The following AGTR1 variants were observed in gnomAD, a reference collection of about 807,000 sequenced individuals.
AGTR1 encodes the protein angiotensin II receptor type 1, also known as type-1 angiotensin II receptor.
A neutral mutation model predicts 19.4 loss-of-function variants in AGTR1; 16 were observed. That is an observed-to-expected ratio of 0.82 (90% confidence interval 0.56 to 1.25). The LOEUF (loss-of-function observed/expected upper bound fraction) is 1.25, where lower values mean the gene tolerates loss of function less well. Among genes scored for constraint, AGTR1 ranks in the 50% most tolerant of loss-of-function variants. AGTR1 has a pLI of 0.00. For missense variants in AGTR1, 373 were observed against 431.9 expected (o/e 0.86, Z 1.21); for synonymous variants, 153 against 154.9 (o/e 0.99, Z 0.09).
chr3:148,735,247 C>T (rs1714510333), intron 2 of AGTR1, among the ~76,000 whole-genome samples: 2 of 152,162 alleles, frequency 1.3e-5, no homozygotes, highest in Non-Finnish European at 2.9e-5. Context: ...GGTATAGTTA[C>T]TAATCTACTA....
chr3:148,732,769 C>G (rs1395780633), intron 2 of AGTR1, among the ~76,000 whole-genome samples: 1 of 108,246 alleles, frequency 9.2e-6, no homozygotes, highest in Non-Finnish European at 1.7e-5. Context: ...GAGACGGAGT[C>G]TCGCTCTGTC....
chr3:148,741,804 C>A lies in AGTR1; in HGVS notation c.769C>A (p.Gln257Lys). The A allele has an allele frequency of 6.2e-7, 1 of 1,613,162 alleles. No homozygotes were observed. The highest frequency in any genetic ancestry group is 8.5e-7 in the Non-Finnish European group (1 of 1,179,902). ...CTTTTTCTTTTCCTGGATTCCCCAC[C>A]AAATATTCACTTTTCTGGATGTATT... ...LFFFFSWIPHQIFTFLDVLIQ... is the reference protein window; with the variant it reads ...LFFFFSWIPHKIFTFLDVLIQ... The change falls in exon 3 of 3, where the codon CAA becomes AAA. Residue 257 changes from glutamine to lysine, a missense_variant. Physicochemically the swap from Gln to Lys is moderately conservative, Grantham distance 53 (BLOSUM62 1). Coordinates refer to ENST00000349243, the MANE Select transcript of AGTR1 (RefSeq NM_000685.5).
At chr3:148,728,840 G>C (rs1292377567) in intron 2 of AGTR1, among the ~76,000 whole-genome samples, 2 of 152,242 alleles carry the variant, frequency 1.3e-5, no homozygotes, top group Non-Finnish European at 2.9e-5. Context: ...GGCTGAAGAA[G>C]TTCAGCCAAA....
intron 2 of AGTR1, among the ~76,000 whole-genome samples, chr3:148,727,541 C>A: frequency 6.6e-6 from 1 of 152,168 alleles, no homozygotes. Flanking sequence ...TCTCTTGAAA[C>A]CCTAATGATG....
At chr3:148,713,618 A>G (rs1429152330) in intron 2 of AGTR1, among the ~76,000 whole-genome samples, 1 of 152,144 alleles carries the variant, frequency 6.6e-6, no homozygotes, top group East Asian at 1.9e-4. Flanking sequence ...TCAATTGAGT[A>G]TTCCTGTCCT....
intron 2 of AGTR1, among the ~76,000 whole-genome samples, chr3:148,733,168 C>T (rs944756889): frequency 6.6e-6 from 1 of 152,162 alleles, no homozygotes; most frequent in African/African-American, 2.4e-5. Context: ...TCCGCTCCCA[C>T]ATTTTCCACC....
At chr3:148,727,009 A>G (rs1305213495) in intron 2 of AGTR1, among the ~76,000 whole-genome samples, 3 of 152,206 alleles carry the variant, frequency 2.0e-5, no homozygotes, top group Admixed American at 1.3e-4. Flanking sequence ...TAGGGAAAAT[A>G]CCACAGGAAT....
intron 2 of AGTR1, among the ~76,000 whole-genome samples, chr3:148,740,166 T>C (rs554258622): frequency 6.6e-6 from 1 of 152,374 alleles, no homozygotes; most frequent in Admixed American, 6.5e-5. Context: ...ACCTGCTGCT[T>C]TCTCAAGCCC....
chr3:148,718,981 C>T (rs952336204), intron 2 of AGTR1, among the ~76,000 whole-genome samples: 6 of 152,198 alleles, frequency 3.9e-5, no homozygotes, highest in African/African-American at 1.4e-4. Flanking sequence ...ACAGGGGAGA[C>T]TCAGTCTTGT....
intron 2 of AGTR1, among the ~76,000 whole-genome samples, chr3:148,734,933 C>G (rs1337842035): frequency 6.6e-6 from 1 of 152,184 alleles, no homozygotes; most frequent in Non-Finnish European, 1.5e-5. Context: ...GTAGGGCAAC[C>G]TCAGTAGAGA....
chr3:148,702,789 T>A (rs983191353), intron 1 of AGTR1, among the ~76,000 whole-genome samples: 2 of 152,244 alleles, frequency 1.3e-5, no homozygotes, highest in Admixed American at 1.3e-4. Context: ...CTTGCTTGCC[T>A]GTTTGTTGCT....
chr3:148,740,323 T>C (rs1157533387), intron 2 of AGTR1, among the ~76,000 whole-genome samples: 2 of 152,154 alleles, frequency 1.3e-5, no homozygotes, highest in South Asian at 2.1e-4. Flanking sequence ...CTAGACTGAA[T>C]TGGAAGTTAA....
intron 2 of AGTR1, among the ~76,000 whole-genome samples, chr3:148,723,769 C>T (rs1713777688): frequency 6.6e-6 from 1 of 152,174 alleles, no homozygotes; most frequent in African/African-American, 2.4e-5. Context: ...ACAGTTGACT[C>T]ATCCTGTCAC....
At chr3:148,714,562 A>G (rs1713182077) in intron 2 of AGTR1, among the ~76,000 whole-genome samples, 1 of 152,122 alleles carries the variant, frequency 6.6e-6, no homozygotes, top group African/African-American at 2.4e-5. Flanking sequence ...GGAACTAGAG[A>G]CATATTTAGA....
In AGTR1 at chr3:148,707,803, A is replaced by G. The variant is rs542221017; in HGVS notation, c.-131-141A>G. 2.0e-5 allele frequency: 3 copies of G among 152,316 alleles called. No homozygotes were observed. The East Asian group carries it at 5.8e-4, about 29-fold the overall frequency. The allele number at this position is 152,316 out of a possible 1,614,324, so 9.4% of individuals were successfully genotyped here. On this transcript the variant is annotated intron_variant, in intron 1 of 2. Coordinates refer to ENST00000349243, the MANE Select transcript of AGTR1 (RefSeq NM_000685.5). Reference sequence around the variant, plus strand: ...GCAGTCTAGCTCTATATAAGGAAAAATATGTTCTTGATGTGAACCAGATGG... The same window carrying G: ...GCAGTCTAGCTCTATATAAGGAAAAGTATGTTCTTGATGTGAACCAGATGG...
At chr3:148,708,679 G>T (rs571602266) in intron 2 of AGTR1, among the ~76,000 whole-genome samples, 2 of 152,276 alleles carry the variant, frequency 1.3e-5, no homozygotes, top group African/African-American at 4.8e-5. Flanking sequence ...GGGTTAGCCA[G>T]GACTGTTTTG....
intron 2 of AGTR1, among the ~76,000 whole-genome samples, chr3:148,711,121 G>A (rs566694696): frequency 4.9e-4 from 74 of 152,152 alleles, no homozygotes; most frequent in Admixed American, 2.6e-3. Flanking sequence ...ACACAGTCAC[G>A]GATAACAGTA....
intron 2 of AGTR1, chr3:148,740,097 T>A: frequency 1.2e-6 from 1 of 826,172 alleles, no homozygotes; most frequent in Non-Finnish European, 1.6e-6. Flanking sequence ...AGAGCAAATA[T>A]TTGCATGGCT....
chr3:148,730,065 C>T, intron 2 of AGTR1: 1 of 391,112 alleles, frequency 2.6e-6, no homozygotes, highest in Non-Finnish European at 4.5e-6. Flanking sequence ...CATAGCACCT[C>T]CAGATCCATG....
Sources: gnomAD v4.1 joint callset for allele counts (sites outside exome capture counted in the v4.1 genomes callset) on GRCh38, gnomAD v4.1.1 for gene constraint, MANE v1.5 for transcripts, NCBI Gene and HGNC (gene_info 2026-07-23, HGNC 2026-07-21) for gene names.